The following SAMMSON variants were observed in gnomAD, a reference collection of about 807,000 sequenced individuals.
SAMMSON encodes the protein long intergenic non-protein coding RNA 1212.
At chr3:70,357,072 G>A (rs571288746) in intron 8 of SAMMSON, among the ~76,000 whole-genome samples, 29 of 152,146 alleles carry the variant, frequency 1.9e-4, no homozygotes, top group Non-Finnish European at 3.7e-4. Context: ...TAACCAACTG[G>A]TGGGATGGTG....
At chr3:70,037,533 G>A (rs560312471) in intron 3 of SAMMSON, among the ~76,000 whole-genome samples, 1 of 152,302 alleles carries the variant, frequency 6.6e-6, no homozygotes, top group South Asian at 2.1e-4. Context: ...AAAAGGAGGA[G>A]AAATACACAC....
At chr3:70,377,801 T>G (rs182709053) in intron 9 of SAMMSON, among the ~76,000 whole-genome samples, 1 of 152,086 alleles carries the variant, frequency 6.6e-6, no homozygotes, top group East Asian at 1.9e-4. Context: ...AGTGTGCCAA[T>G]AGAAAAATGT....
intron 4 of SAMMSON, among the ~76,000 whole-genome samples, chr3:70,128,168 G>T (rs191652644): frequency 6.6e-6 from 1 of 152,058 alleles, no homozygotes; most frequent in Non-Finnish European, 1.5e-5. Context: ...CTTGCCTTCC[G>T]GCTGATCCTG....
chr3:70,368,744 A>G (rs1184516352), intron 9 of SAMMSON, among the ~76,000 whole-genome samples: 2 of 151,648 alleles, frequency 1.3e-5, no homozygotes, highest in Admixed American at 1.3e-4. Flanking sequence ...TTCCTTCACC[A>G]ACACCACACT....
intron 7 of SAMMSON, among the ~76,000 whole-genome samples, chr3:70,353,562 T>C (rs1236497296): frequency 2.6e-5 from 4 of 151,916 alleles, no homozygotes; most frequent in African/African-American, 9.7e-5. Flanking sequence ...ATAAAAAAAA[T>C]AGTGACAACA....
intron 9 of SAMMSON, among the ~76,000 whole-genome samples, chr3:70,376,669 A>G (rs190775432): frequency 1.2e-4 from 19 of 152,254 alleles, no homozygotes; most frequent in Admixed American, 1.2e-3. Flanking sequence ...AGGAGCATTT[A>G]CATACTTTTC....
chr3:70,086,292 T>C (rs552548545), intron 4 of SAMMSON, among the ~76,000 whole-genome samples: 1 of 152,332 alleles, frequency 6.6e-6, no homozygotes, highest in South Asian at 2.1e-4. Flanking sequence ...CCTCTGTGGG[T>C]GTATCAATCT....
chr3:70,011,141 A>G (rs1383732839), intron 1 of SAMMSON, among the ~76,000 whole-genome samples: 1 of 152,138 alleles, frequency 6.6e-6, no homozygotes, highest in East Asian at 1.9e-4. Context: ...TACTGTAGAT[A>G]CATAATAGTT....
chr3:70,383,191 G>A (rs1703088266), intron 9 of SAMMSON, among the ~76,000 whole-genome samples: 1 of 151,908 alleles, frequency 6.6e-6, no homozygotes. Context: ...TACTTTGAGA[G>A]TCATTAACTT....
chr3:70,361,362 A>C (rs1470712932), intron 9 of SAMMSON, among the ~76,000 whole-genome samples: 2 of 152,190 alleles, frequency 1.3e-5, no homozygotes, highest in East Asian at 3.9e-4. Flanking sequence ...GAATTATAAG[A>C]AATTAGACAT....
At chr3:70,100,042 C>T (rs1040057671) in intron 4 of SAMMSON, among the ~76,000 whole-genome samples, 2 of 152,134 alleles carry the variant, frequency 1.3e-5, no homozygotes, top group African/African-American at 2.4e-5. Flanking sequence ...AATGGCCTTC[C>T]GAGGAAATGT....
chr3:70,144,664 C>T (rs534847413), intron 4 of SAMMSON, among the ~76,000 whole-genome samples: 13 of 152,098 alleles, frequency 8.5e-5, no homozygotes, highest in African/African-American at 3.1e-4. Flanking sequence ...GTGGGAGGGA[C>T]CCAGTGGGAG....
At chr3:70,121,293 C>A (rs892280020) in intron 4 of SAMMSON, among the ~76,000 whole-genome samples, 2 of 152,116 alleles carry the variant, frequency 1.3e-5, no homozygotes, top group African/African-American at 4.8e-5. Flanking sequence ...CAGTACTGGT[C>A]CCTGGCCCGA....
chr3:70,177,684 A>G lies in SAMMSON; in HGVS notation n.508-71423A>G, dbSNP rs144575651. On this transcript the variant is annotated intron_variant and non_coding_transcript_variant, in intron 4 of 9. Transcript: ENST00000642114. The stretch of plus-strand genomic sequence containing the variant: ...ATATGCTAATTGCTTTACATGCACA[A>G]TCCTATGGGGTCCTCACAGTTATCC... 3.1e-3 allele frequency among the ~76,000 whole-genome samples: 473 copies of G among 152,230 alleles called. 5 individuals are homozygous for G. The highest frequency in any genetic ancestry group is 0.01 in the African/African-American group (433 of 41,530).
chr3:70,147,320 C>T (rs1171921654), intron 4 of SAMMSON, among the ~76,000 whole-genome samples: 3 of 151,828 alleles, frequency 2.0e-5, no homozygotes, highest in African/African-American at 7.3e-5. Context: ...ATGTCTGGTT[C>T]TAAAATTTTT....
chr3:70,267,578 A>ATTTT (rs377637066), intron 6 of SAMMSON, among the ~76,000 whole-genome samples: 2,142 of 132,714 alleles, frequency 0.016, 82 homozygotes, highest in African/African-American at 0.056. Context: ...AATTTTTTGT[A>ATTTT]TTTTTTTTTT....
At chr3:70,000,347 C>G (rs567344417) in intron 1 of SAMMSON, among the ~76,000 whole-genome samples, 57 of 152,294 alleles carry the variant, frequency 3.7e-4, no homozygotes, top group Admixed American at 1.6e-3. Context: ...ACAAGGGAAC[C>G]CGTACCGTTT....
rs13320804 is a variant in SAMMSON, at chr3:70,187,534, T to A, written n.508-61573T>A. Among the ~76,000 whole-genome samples the A allele has an allele frequency of 4.4e-3, 629 of 143,082 alleles. 1 individual carries two copies. Among genetic ancestry groups the A allele is most frequent in the African/African-American group, 0.015 (592 of 38,678 alleles). 93.9% of individuals were successfully genotyped at this position (143,082 alleles called of 152,430 possible). On this transcript the variant is annotated intron_variant and non_coding_transcript_variant, in intron 4 of 9. Transcript: ENST00000642114. Reference sequence around the variant, plus strand: ...CTCACTGCAAGCTCCGCCTCCCGGGTTCACGCCATTCTCCTGCCTCAGCCT... The same window carrying A: ...CTCACTGCAAGCTCCGCCTCCCGGGATCACGCCATTCTCCTGCCTCAGCCT...
At chr3:70,355,787 G>A (rs1391144400) in intron 8 of SAMMSON, among the ~76,000 whole-genome samples, 1 of 152,132 alleles carries the variant, frequency 6.6e-6, no homozygotes, top group Non-Finnish European at 1.5e-5. Context: ...TAGGAGAAGT[G>A]GAGAGGTAAA....
Sources: allele counts gnomAD v4.1 joint callset (sites outside exome capture counted in the v4.1 genomes callset), GRCh38; gene constraint gnomAD v4.1.1; transcripts MANE v1.5; gene names NCBI Gene and HGNC (gene_info 2026-07-23, HGNC 2026-07-21).